ANK3: variants seen among roughly 807,000 people sequenced by gnomAD.
The protein encoded by ANK3 is ankyrin-3.
Under a neutral mutation model 370.9 loss-of-function variants are expected in ANK3, and 57 were observed. That is an observed-to-expected ratio of 0.15 (90% CI 0.12 to 0.19). ANK3 has a LOEUF of 0.19. Among genes scored for constraint, ANK3 ranks in the 10% least tolerant of loss-of-function variants. The pLI, the probability that ANK3 is intolerant of heterozygous loss-of-function variation, is 1.00. For synonymous variants in ANK3, 1,929 were observed against 1,946.3 expected (o/e 0.99, Z 0.23); for missense variants, 4,439 against 5,302.1 (o/e 0.84, Z 5.06).
intron 8 of ANK3, among the ~76,000 whole-genome samples, chr10:60,216,371 G>A (rs1440059081): frequency 1.3e-5 from 2 of 152,248 alleles, no homozygotes; most frequent in East Asian, 3.9e-4. Context: ...TCCAGCTTAT[G>A]CCCATTCAAT....
chr10:60,594,560 A>G (rs1242790655), intron 2 of ANK3, among the ~76,000 whole-genome samples: 2 of 152,156 alleles, frequency 1.3e-5, no homozygotes, highest in Non-Finnish European at 2.9e-5. Context: ...TTACTATCAT[A>G]GTTTTTGCAT....
intron 41 of ANK3, among the ~76,000 whole-genome samples, chr10:60,058,454 G>GTATC (rs2079642176): frequency 6.6e-6 from 1 of 152,180 alleles, no homozygotes; most frequent in African/African-American, 2.4e-5. Flanking sequence ...AAAAAACTGT[G>GTATC]TATCTTTCAA....
At chr10:60,244,671 A>G (rs1315976713) in intron 7 of ANK3, among the ~76,000 whole-genome samples, 2 of 152,194 alleles carry the variant, frequency 1.3e-5, no homozygotes, top group Non-Finnish European at 2.9e-5. Context: ...TAGTATATAT[A>G]GAAACGGAAA....
intron 22 of ANK3, 33 bp from the exon 23 acceptor site, chr10:60,166,686 G>A (rs1483427727): frequency 1.2e-6 from 2 of 1,605,374 alleles, no homozygotes; most frequent in Non-Finnish European, 1.7e-6. Context: ...ATAAGTGGAT[G>A]AAAAATACAT....
Position 60,331,210 on chromosome 10 carries a change from A to G in ANK3, c.115-51571T>C, listed in dbSNP as rs182458182. On this transcript the variant is annotated intron_variant, in intron 1 of 43. Coordinates refer to ENST00000280772, the MANE Select transcript of ANK3 (RefSeq NM_020987.5). The stretch of plus-strand genomic sequence containing the variant: ...CAGCAAACCACCATGGCATGTGTAT[A>G]CCTATACAACAAACCTGTACGTTCT... Among the ~76,000 whole-genome samples the G allele has an allele frequency of 3.9e-4, 60 of 152,292 alleles. 1 individual carries two copies. The East Asian group carries it at 0.01, about 26-fold the overall frequency.
intron 2 of ANK3, among the ~76,000 whole-genome samples, chr10:60,400,832 C>T (rs1255345491): frequency 6.6e-6 from 1 of 152,136 alleles, no homozygotes; most frequent in East Asian, 1.9e-4. Flanking sequence ...GCCCAGCATG[C>T]ATTAACTATT....
intron 1 of ANK3, among the ~76,000 whole-genome samples, chr10:60,619,487 T>C (rs1410937734): frequency 1.3e-5 from 2 of 152,210 alleles, no homozygotes; most frequent in South Asian, 2.1e-4. Context: ...ATATCTCTTT[T>C]GCTTTGCCCT....
chr10:60,623,724 A>C (rs1357347455), intron 1 of ANK3, among the ~76,000 whole-genome samples: 1 of 152,152 alleles, frequency 6.6e-6, no homozygotes, highest in Non-Finnish European at 1.5e-5. Context: ...TAAGGAATTA[A>C]CCTTGCCCAA....
intron 43 of ANK3, among the ~76,000 whole-genome samples, chr10:60,032,174 C>G (rs78923200): frequency 0.061 from 8,199 of 134,650 alleles, 362 homozygotes; most frequent in Non-Finnish European, 0.09. Context: ...CATACTTCAG[C>G]TATTATAAAT....
intron 1 of ANK3, 60 bp from the exon 2 acceptor site, chr10:60,279,699 C>T: frequency 2.3e-6 from 3 of 1,290,108 alleles, no homozygotes; most frequent in Non-Finnish European, 3.3e-6. Flanking sequence ...TGTTTATAAA[C>T]TATCCAGCTT....
At chr10:60,100,593 C>T (rs2393600) in intron 28 of ANK3, among the ~76,000 whole-genome samples, 107,730 of 152,036 alleles carry the variant, frequency 0.71, 39,423 homozygotes, top group East Asian at 0.93. Context: ...AATAGTGTAA[C>T]TATTCAATCT....
Position 60,579,961 on chromosome 10 carries a change from A to G in ANK3, c.96+35225T>C, listed in dbSNP as rs558754128. ...CTCTGGAGTTTACCATTCATTATCA[A>G]TCTAAACATTCCTCAATGAGGTATA... On this transcript the variant is annotated intron_variant, in intron 2 of 43. Transcript: ENST00000373827. Among the ~76,000 whole-genome samples the G allele has an allele frequency of 2.0e-5, 3 of 152,306 alleles. No homozygotes were observed. In the East Asian group the frequency reaches 5.8e-4, roughly 29 times the overall value.
At chr10:60,714,507 G>A (rs927505148) in intron 1 of ANK3, among the ~76,000 whole-genome samples, 1 of 152,096 alleles carries the variant, frequency 6.6e-6, no homozygotes, top group African/African-American at 2.4e-5. Flanking sequence ...ATCAAATCCA[G>A]TAATGTATAA....
chr10:60,716,674 C>T (rs1033686853), intron 1 of ANK3, among the ~76,000 whole-genome samples: 2 of 152,054 alleles, frequency 1.3e-5, no homozygotes, highest in Non-Finnish European at 2.9e-5. Flanking sequence ...CCACCATGCC[C>T]GGCTAACTTT....
At chr10:60,109,680 T>C (rs1355055989) in intron 26 of ANK3, among the ~76,000 whole-genome samples, 2 of 152,216 alleles carry the variant, frequency 1.3e-5, no homozygotes, top group Non-Finnish European at 2.9e-5. Context: ...AACCTACATT[T>C]GAATATTTTA....
intron 10 of ANK3, among the ~76,000 whole-genome samples, chr10:60,206,853 T>A (rs962998543): frequency 2.6e-5 from 4 of 152,300 alleles, no homozygotes; most frequent in Non-Finnish European, 5.9e-5. Flanking sequence ...GAGTCCACTG[T>A]AAAAGCTTAG....
At chr10:60,456,416 A>G (rs1451968500) in intron 2 of ANK3, among the ~76,000 whole-genome samples, 1 of 152,222 alleles carries the variant, frequency 6.6e-6, no homozygotes, top group East Asian at 1.9e-4. Flanking sequence ...CCCATGAGTA[A>G]GAAAATTATA....
intron 28 of ANK3, among the ~76,000 whole-genome samples, chr10:60,093,361 T>C (rs1026509441): frequency 3.3e-5 from 5 of 152,220 alleles, no homozygotes; most frequent in Admixed American, 6.5e-5. Flanking sequence ...GGACTCCTTA[T>C]GGTGCTAGCA....
At chr10:60,303,563 G>T (rs2044293091) in intron 1 of ANK3, among the ~76,000 whole-genome samples, 1 of 151,944 alleles carries the variant, frequency 6.6e-6, no homozygotes, top group African/African-American at 2.4e-5. Context: ...ACTTAGAATA[G>T]CTATTATTAA....
Sources: gnomAD v4.1 joint callset for allele counts (sites outside exome capture counted in the v4.1 genomes callset) on GRCh38, gnomAD v4.1.1 for gene constraint, MANE v1.5 for transcripts, NCBI Gene and HGNC (gene_info 2026-07-23, HGNC 2026-07-21) for gene names.